TLR7: variants seen among roughly 807,000 people sequenced by gnomAD.
The protein encoded by TLR7 is toll like receptor 7.
A neutral mutation model predicts 38.3 loss-of-function variants in TLR7; 12 were observed. The observed-to-expected ratio is 0.31, with a 90% CI of 0.20 to 0.51. The LOEUF is 0.51. Ranked by LOEUF, TLR7 falls within the 20% of genes least tolerant of loss-of-function variation. TLR7 has a pLI of 0.98. For missense variants in TLR7, 504 were observed against 743.4 expected (o/e 0.68, Z 3.74); for synonymous variants, 285 against 293.8 (o/e 0.97, Z 0.31).
Position 12,888,926 on chromosome X carries a change from A to T in TLR7, c.*268A>T. 3.5e-6 allele frequency: 1 copy of T among 284,127 alleles called. No homozygotes were observed. Among genetic ancestry groups the T allele is most frequent in the Non-Finnish European group, 6.2e-6 (1 of 161,993 alleles). The allele number at this position is 284,127 out of a possible 1,213,427, so 23.4% of individuals were successfully genotyped here. On this transcript the variant is annotated 3_prime_UTR_variant, in exon 3 of 3. Transcript: ENST00000380659. ...CCTGTAAAAGAGTGGCAAGTAAAAA[A>T]CATGGGGCTCTGATTCTCCTGTAAT...
chrX:12,883,714 C>T (rs899524975), intron 2 of TLR7, among the ~76,000 whole-genome samples: 8 of 110,177 alleles, frequency 7.3e-5, no homozygotes, highest in African/African-American at 2.3e-4. Flanking sequence ...TTGGAGTGGA[C>T]CAAGGATAGA....
intron 2 of TLR7, among the ~76,000 whole-genome samples, chrX:12,879,899 C>T (rs1172580104): frequency 1.8e-5 from 2 of 110,893 alleles, no homozygotes; most frequent in East Asian, 2.8e-4. Flanking sequence ...CTGGACTCCA[C>T]GGGGATAAAA....
intron 2 of TLR7, among the ~76,000 whole-genome samples, chrX:12,881,685 C>T (rs1470359956): frequency 9.2e-6 from 1 of 109,105 alleles, no homozygotes; most frequent in African/African-American, 3.3e-5. Context: ...CTGCCCCAGG[C>T]CTCAATAGTT....
At chrX:12,878,091 A>T (rs2042879350) in intron 2 of TLR7, among the ~76,000 whole-genome samples, 1 of 112,151 alleles carries the variant, frequency 8.9e-6, no homozygotes, top group Non-Finnish European at 1.9e-5. Flanking sequence ...AGAATAGCAG[A>T]GTGGCTAAGA....
At position 12,887,017 on chromosome X, in the gene TLR7, T is replaced by C. The variant is rs1377928454; in HGVS notation, c.1509T>C (p.Asn503=). 3 of 1,210,922 alleles carry C rather than the reference T, an allele frequency of 2.5e-6. No homozygotes were observed. Among genetic ancestry groups the C allele is most frequent in the Non-Finnish European group, 3.4e-6 (3 of 894,801 alleles). The change falls in exon 3 of 3, where the codon AAT becomes AAC. Residue 503 remains asparagine (N), a synonymous_variant. Transcript: ENST00000380659. ...KYGQTLDLSK[N]SIFFVKSSDF... is the part of the protein sequence containing the mutation. ...GGCAGACCTTGGATCTAAGTAAAAA[T>C]AGTATATTTTTTGTCAAGTCCTCTG...
rs189681811 is a variant in TLR7 at position 12,888,267 on chromosome X, G to A, written c.2759G>A (p.Arg920Lys). ...CTGGTGGCCAAACTGGAAGACCCAA[G>A]AGAGAAACATTTTAATTTATGTCTC... ...AELVAKLEDP[R>K]EKHFNLCLEE... is the part of the protein sequence containing the mutation. Residue 920 changes from arginine to lysine, a missense_variant, in exon 3 of 3, where the codon AGA (arginine) becomes AAA (lysine). By Grantham distance (26) the Arg-to-Lys change is conservative. Transcript: ENST00000380659. The A allele has an allele frequency of 1.2e-4, 144 of 1,209,885 alleles. No homozygotes were observed. The Admixed American group carries it at 1.6e-3, about 14-fold the overall frequency.
At position 12,867,541 on chromosome X, in the gene TLR7, A is replaced by AC; in HGVS notation, c.-36dup. ...CACCTCTCATGCTCTGCTCTCTTCA[A>AC]CCAGACCTCTACATTCCATTTTGGA... On this transcript the variant is annotated 5_prime_UTR_variant, in exon 2 of 3. An upstream open reading frame in the 5' UTR loses its in-frame stop. Transcript: ENST00000380659. 1 of 1,204,715 alleles carries AC rather than the reference A, an allele frequency of 8.3e-7. No individual in the cohort carries two copies. The highest frequency in any genetic ancestry group is 1.1e-6 in the Non-Finnish European group (1 of 889,455).
rs2042914724 is a variant in TLR7, at chrX:12,887,230, C to T, written c.1722C>T (p.Ser574=). Residue 574 remains serine, a synonymous_variant, in exon 3 of 3, where the codon AGC becomes AGT. Coordinates refer to ENST00000380659, the MANE Select transcript of TLR7 (RefSeq NM_016562.4). ...ACAAACTGGAAGTTCTGGATATAAG[C>T]AGTAATAGCCATTATTTTCAATCAG... ...ELHKLEVLDI[S]SNSHYFQSEG... is the part of the protein sequence containing the mutation. 3 of 1,208,361 alleles carry T rather than the reference C, an allele frequency of 2.5e-6. No individual in the cohort carries two copies. Among genetic ancestry groups the T allele is most frequent in the South Asian group, 1.8e-5 (1 of 56,516 alleles).
chrX:12,888,810 G>T lies in TLR7; in HGVS notation c.*152G>T. The T allele has an allele frequency of 1.8e-6, 1 of 565,801 alleles. No individual in the cohort carries two copies. Among genetic ancestry groups the T allele is most frequent in the East Asian group, 3.6e-5 (1 of 27,837 alleles). The allele number at this position is 565,801 out of a possible 1,213,427, so 46.6% of individuals were successfully genotyped here. A position where few individuals can be genotyped will look rare whatever the true frequency, so the allele number is the denominator to read the frequency against. On this transcript the variant is annotated 3_prime_UTR_variant, in exon 3 of 3. Coordinates refer to ENST00000380659, the MANE Select transcript of TLR7 (RefSeq NM_016562.4). Reference sequence around the variant, plus strand: ...AGGGGAGCCACCAACGTCTGTCACAGGAGTTGGAAAGATGGGGTTTATATA... The same window carrying T: ...AGGGGAGCCACCAACGTCTGTCACATGAGTTGGAAAGATGGGGTTTATATA...
In TLR7 at chrX:12,887,167, G is replaced by T. The variant is rs201852856; in HGVS notation, c.1659G>T (p.Arg553=). ...GATATTTGGACTTCTCCAACAACCG[G>T]CTTGATTTACTCCATTCAACAGCAT... ...ELRYLDFSNN[R]LDLLHSTAFE... is the part of the protein sequence containing the mutation. Residue 553 remains arginine, a synonymous_variant, in exon 3 of 3, where the codon CGG becomes CGT. Coordinates refer to ENST00000380659, the MANE Select transcript of TLR7 (RefSeq NM_016562.4). 2 of 1,211,601 alleles carry T rather than the reference G, an allele frequency of 1.7e-6. No individual in the cohort carries two copies. The highest frequency in any genetic ancestry group is 2.2e-6 in the Non-Finnish European group (2 of 895,431).
Position 12,887,274 on chromosome X carries a change from T to C in TLR7, c.1766T>C (p.Leu589Pro). 2 of 1,211,225 alleles carry C rather than the reference T, an allele frequency of 1.7e-6. No homozygotes were observed. Among genetic ancestry groups the C allele is most frequent in the Non-Finnish European group, 2.2e-6 (2 of 895,247 alleles). Residue 589 changes from leucine (L) to proline (P), a missense_variant, in exon 3 of 3, where the codon CTA (leucine) becomes CCA (proline). Physicochemically the swap from Leu to Pro is moderately conservative, Grantham distance 98 (BLOSUM62 -3). Transcript: ENST00000380659. ...YFQSEGITHM[L>P]NFTKNLKVLQ... ...CAATCAGAAGGAATTACTCATATGC[T>C]AAACTTTACCAAGAACCTAAAGGTT...
At position 12,886,488 on chromosome X, in the gene TLR7, C is replaced by A. The variant is rs767328024; in HGVS notation, c.980C>A (p.Ala327Asp). ...CTGGATCTGTCCCAAAACTTCTTGGCCAAAGAAATTGGGGATGCTAAATTT... is the reference window on the plus strand; with the variant it reads ...CTGGATCTGTCCCAAAACTTCTTGGACAAAGAAATTGGGGATGCTAAATTT... The part of the protein sequence containing the change: ...QELDLSQNFL[A>D]KEIGDAKFLH... Residue 327 changes from alanine (A) to aspartate (D), a missense_variant, in exon 3 of 3, where the codon GCC (alanine) becomes GAC (aspartate). Physicochemically the swap from Ala to Asp is moderately radical, Grantham distance 126 (BLOSUM62 -2). Transcript: ENST00000380659. 17 of 1,210,311 alleles carry A rather than the reference C, an allele frequency of 1.4e-5. No homozygotes were observed. The highest frequency in any genetic ancestry group is 1.2e-5 in the Non-Finnish European group (11 of 895,335).
At chrX:12,881,179 A>G (rs1353671191) in intron 2 of TLR7, among the ~76,000 whole-genome samples, 1 of 109,100 alleles carries the variant, frequency 9.2e-6, no homozygotes, top group East Asian at 2.8e-4. Context: ...GTGAACCGAG[A>G]TTATGCCATT....
intron 2 of TLR7, among the ~76,000 whole-genome samples, chrX:12,875,381 A>G (rs1340350599): frequency 2.7e-5 from 3 of 112,134 alleles, no homozygotes; most frequent in Non-Finnish European, 5.6e-5. Context: ...CACAGAGTAG[A>G]TTCTCAATAA....
intron 2 of TLR7, among the ~76,000 whole-genome samples, chrX:12,869,237 A>G (rs2042843941): frequency 8.9e-6 from 1 of 112,091 alleles, no homozygotes; most frequent in Admixed American, 9.5e-5. Context: ...AATTTTCAAT[A>G]TAAGAAATTC....
In TLR7 at chrX:12,886,685, T is replaced by C; in HGVS notation, c.1177T>C (p.Leu393=). 1 of 1,211,727 alleles carries C rather than the reference T, an allele frequency of 8.3e-7. No homozygotes were observed. Among genetic ancestry groups the C allele is most frequent in the South Asian group, 1.8e-5 (1 of 56,864 alleles). ...KELKSFNLSP[L]HNLQNLEVLD... ...GTTGAAAAGCTTTAACCTCTCGCCA[T>C]TACATAATCTTCAAAATCTTGAAGT... is the stretch of plus-strand genomic sequence containing the variant. Residue 393 remains leucine, a synonymous_variant, in exon 3 of 3, where the codon TTA becomes CTA. Coordinates refer to ENST00000380659, the MANE Select transcript of TLR7 (RefSeq NM_016562.4).
Position 12,888,801 on chromosome X carries a change from T to C in TLR7, c.*143T>C. ...CCATATTTCAGGGGAGCCACCAACGTCTGTCACAGGAGTTGGAAAGATGGG... is the reference window on the plus strand; with the variant it reads ...CCATATTTCAGGGGAGCCACCAACGCCTGTCACAGGAGTTGGAAAGATGGG... On this transcript the variant is annotated 3_prime_UTR_variant, in exon 3 of 3. Coordinates refer to ENST00000380659, the MANE Select transcript of TLR7 (RefSeq NM_016562.4). The C allele has an allele frequency of 1.6e-6, 1 of 611,622 alleles. No individual in the cohort carries two copies. The allele number at this position is 611,622 out of a possible 1,213,427, so 50.4% of individuals were successfully genotyped here. A position where few individuals can be genotyped will look rare whatever the true frequency, so the allele number is the denominator to read the frequency against.
At chrX:12,881,505 A>G (rs1235785408) in intron 2 of TLR7, among the ~76,000 whole-genome samples, 2 of 100,458 alleles carry the variant, frequency 2.0e-5, no homozygotes, top group Non-Finnish European at 4.0e-5. Flanking sequence ...TTAATAAATA[A>G]TAAATAACTG....
rs867332804 is a variant in TLR7, at chrX:12,888,679, C to A, written c.*21C>A. On this transcript the variant is annotated 3_prime_UTR_variant, in exon 3 of 3. Transcript: ENST00000380659. ...TCTAGCCCTTCTTTGCAAAACACAA[C>A]TGCCTAGTTTACCAAGGAGAGGCCT... 2 of 1,168,271 alleles carry A rather than the reference C, an allele frequency of 1.7e-6. No homozygotes were observed. Among genetic ancestry groups the A allele is most frequent in the Middle Eastern group, 2.4e-4 (1 of 4,165 alleles).
Sources: gnomAD v4.1 joint callset for allele counts (sites outside exome capture counted in the v4.1 genomes callset) on GRCh38, gnomAD v4.1.1 for gene constraint, MANE v1.5 for transcripts, NCBI Gene and HGNC (gene_info 2026-07-23, HGNC 2026-07-21) for gene names.